Variants in RNF217 observed in about 807,000 individuals in gnomAD.
RNF217 encodes the protein E3 ubiquitin-protein ligase RNF217.
A neutral mutation model predicts 57.8 loss-of-function variants in RNF217; 31 were observed. The ratio of observed to expected loss-of-function variants is 0.54; its 90% CI spans 0.40 to 0.72. RNF217 has a LOEUF of 0.72. Ranked by LOEUF, RNF217 falls within the 30% of genes least tolerant of loss-of-function variation. RNF217 has a pLI of 0.00. For missense variants in RNF217, 696 were observed against 708.3 expected, an observed-to-expected ratio of 0.98 and a Z score of 0.20; for synonymous variants, 313 against 294.0, an observed-to-expected ratio of 1.06 and a Z score of -0.66.
rs907123111 is a variant in RNF217 at position 125,090,943 on chromosome 6, T to C, written c.*8006T>C. 2 of 151,954 alleles carry C rather than the reference T, an allele frequency of 1.3e-5. No individual in the cohort carries two copies. The highest frequency in any genetic ancestry group is 4.8e-5 in the African/African-American group (2 of 41,416). 9.4% of individuals were successfully genotyped at this position (151,954 alleles called of 1,614,324 possible). On this transcript the variant is annotated 3_prime_UTR_variant, in exon 6 of 6. Coordinates refer to ENST00000521654, the MANE Select transcript of RNF217 (RefSeq NM_001286398.3). The stretch of plus-strand genomic sequence containing the variant: ...TATTTTATGAAAGAGAGGGGTAGAG[T>C]AAATTTTTTAATTAGACAATGTTGA...
intron 1 of RNF217, among the ~76,000 whole-genome samples, chr6:125,021,188 T>G (rs193118511): frequency 1.3e-5 from 2 of 152,328 alleles, no homozygotes; most frequent in Non-Finnish European, 2.9e-5. Flanking sequence ...ATGTGGAGTT[T>G]AACTGTGGTT....
intron 3 of RNF217, among the ~76,000 whole-genome samples, chr6:125,058,445 C>T (rs193106624): frequency 2.0e-5 from 3 of 152,206 alleles, no homozygotes; most frequent in South Asian, 2.1e-4. Flanking sequence ...TAGTCTGCCA[C>T]GTGTACTATA....
At chr6:124,994,206 G>A (rs552715733) in intron 1 of RNF217, among the ~76,000 whole-genome samples, 2 of 152,118 alleles carry the variant, frequency 1.3e-5, no homozygotes. Flanking sequence ...TAAAATATAG[G>A]CAGAATAGTC....
intron 1 of RNF217, among the ~76,000 whole-genome samples, chr6:124,989,883 A>T (rs6928650): frequency 0.027 from 4,135 of 151,668 alleles, 195 homozygotes; most frequent in African/African-American, 0.095. Context: ...AAAAACACCA[A>T]CAAAATAAAG....
At chr6:124,974,026 T>C (rs1263312734) in intron 1 of RNF217, among the ~76,000 whole-genome samples, 1 of 152,170 alleles carries the variant, frequency 6.6e-6, no homozygotes, top group South Asian at 2.1e-4. Context: ...CTTGACAACA[T>C]GGCAGTCTCA....
intron 2 of RNF217, among the ~76,000 whole-genome samples, chr6:125,051,242 G>A (rs1373633821): frequency 1.3e-5 from 2 of 151,608 alleles, no homozygotes; most frequent in Non-Finnish European, 2.9e-5. Context: ...AGGATAAATT[G>A]ACCTGCACTG....
chr6:124,985,653 G>A (rs1784342091), intron 1 of RNF217, among the ~76,000 whole-genome samples: 1 of 152,022 alleles, frequency 6.6e-6, no homozygotes, highest in Non-Finnish European at 1.5e-5. Flanking sequence ...CAAAGCAGTG[G>A]AATTTTAAGG....
rs970151871 is a variant in RNF217 at position 125,088,680 on chromosome 6, T to A, written c.*5743T>A. 7.2e-5 allele frequency: 11 copies of A among 152,322 alleles called. No individual in the cohort carries two copies. Among genetic ancestry groups the A allele is most frequent in the African/African-American group, 2.6e-4 (11 of 41,586 alleles). The allele number at this position is 152,322 out of a possible 1,614,324, so 9.4% of individuals were successfully genotyped here. A position where few individuals can be genotyped will look rare whatever the true frequency, so the allele number is the denominator to read the frequency against. On this transcript the variant is annotated 3_prime_UTR_variant, in exon 6 of 6. Transcript: ENST00000521654. ...GAATGTAAAAGGCAATAATTTTTTT[T>A]AAATACACAAAACATTGCCATTGCC...
chr6:125,069,077 C>T (rs912914492), intron 3 of RNF217, among the ~76,000 whole-genome samples: 4 of 152,000 alleles, frequency 2.6e-5, no homozygotes, highest in South Asian at 2.1e-4. Flanking sequence ...CGGCTCTACC[C>T]TGAGGAATAA....
intron 1 of RNF217, among the ~76,000 whole-genome samples, chr6:124,980,258 T>C (rs771152817): frequency 3.3e-5 from 5 of 152,244 alleles, no homozygotes; most frequent in Non-Finnish European, 7.3e-5. Flanking sequence ...TTCAAAAACG[T>C]TGAGCCACCC....
At chr6:125,004,080 T>C (rs1008201011) in intron 1 of RNF217, among the ~76,000 whole-genome samples, 1 of 152,038 alleles carries the variant, frequency 6.6e-6, no homozygotes, top group African/African-American at 2.4e-5. Context: ...TTCTTTAAAA[T>C]TCATCCATCA....
At chr6:125,071,463 A>C (rs911568356) in intron 3 of RNF217, among the ~76,000 whole-genome samples, 1 of 145,510 alleles carries the variant, frequency 6.9e-6, no homozygotes, top group African/African-American at 2.5e-5. Context: ...GATATTTTCA[A>C]CTTGGAGCAT....
chr6:124,966,085 A>T (rs967023866), intron 1 of RNF217, among the ~76,000 whole-genome samples: 2 of 152,250 alleles, frequency 1.3e-5, no homozygotes, highest in Non-Finnish European at 2.9e-5. Context: ...CAAAAGACAA[A>T]GGGCTTAAAG....
chr6:125,071,828 G>A (rs547130), intron 3 of RNF217, among the ~76,000 whole-genome samples: 100,687 of 151,998 alleles, frequency 0.66, 35,394 homozygotes, highest in African/African-American at 0.89. Context: ...TGAGTGGCCA[G>A]TTTTATCTAA....
intron 1 of RNF217, among the ~76,000 whole-genome samples, chr6:125,007,570 T>A (rs1191165952): frequency 1.3e-5 from 2 of 152,182 alleles, no homozygotes; most frequent in Non-Finnish European, 2.9e-5. Context: ...TTAAACATAG[T>A]TATTTTAAAG....
At position 124,974,894 on chromosome 6, in the gene RNF217, G is replaced by A. The variant is rs144836903; in HGVS notation, c.882+11468G>A. Among the ~76,000 whole-genome samples the A allele has an allele frequency of 1.6e-3, 242 of 152,242 alleles. 3 individuals are homozygous for A. Among genetic ancestry groups the A allele is most frequent in the African/African-American group, 5.3e-3 (219 of 41,536 alleles). ...TTCCAGAAGCATAGATGTTGTCCTC[G>A]AGTTTCTTCCTGTTAGAGATCTGTA... On this transcript the variant is annotated intron_variant, in intron 1 of 5. Transcript: ENST00000521654.
Position 125,090,364 on chromosome 6 carries a change from G to T in RNF217, c.*7427G>T, listed in dbSNP as rs1239684206. On this transcript the variant is annotated 3_prime_UTR_variant, in exon 6 of 6. Transcript: ENST00000521654. Reference sequence around the variant, plus strand: ...TTAAAATGTTAACAAAGAACCAGTTGTTTTGATTCTATTTTAAACAAAATT... The same window carrying T: ...TTAAAATGTTAACAAAGAACCAGTTTTTTTGATTCTATTTTAAACAAAATT... 6.6e-6 allele frequency: 1 copy of T among 151,902 alleles called. No homozygotes were observed. The highest frequency in any genetic ancestry group is 1.5e-5 in the Non-Finnish European group (1 of 67,888). The allele number at this position is 151,902 out of a possible 1,614,324, so 9.4% of individuals were successfully genotyped here.
At chr6:124,970,873 T>C (rs1392756271) in intron 1 of RNF217, among the ~76,000 whole-genome samples, 1 of 152,182 alleles carries the variant, frequency 6.6e-6, no homozygotes, top group Non-Finnish European at 1.5e-5. Context: ...AAAGGGATAA[T>C]CACATGTGTC....
chr6:125,040,594 C>T (rs1786841601), intron 1 of RNF217, among the ~76,000 whole-genome samples: 1 of 152,156 alleles, frequency 6.6e-6, no homozygotes, highest in Non-Finnish European at 1.5e-5. Flanking sequence ...TTTTATGATG[C>T]CAGCATCATC....
Sources: allele counts gnomAD v4.1 joint callset (sites outside exome capture counted in the v4.1 genomes callset), GRCh38; gene constraint gnomAD v4.1.1; transcripts MANE v1.5; gene names NCBI Gene and HGNC (gene_info 2026-07-23, HGNC 2026-07-21).